NUDCD1: variants seen among roughly 807,000 people sequenced by gnomAD.
NUDCD1 encodes NudC domain containing 1, also known as nudC domain-containing protein 1.
NUDCD1 carries 60 observed loss-of-function variants against 67.8 expected under a neutral mutation model. That is an observed-to-expected ratio of 0.88 (90% confidence interval 0.72 to 1.10). The LOEUF (loss-of-function observed/expected upper bound fraction) is 1.10, where lower values mean the gene tolerates loss of function less well. NUDCD1 is among the 50% of genes least tolerant of loss of function. The pLI is 0.00. For synonymous variants in NUDCD1, 244 were observed against 230.8 expected, an observed-to-expected ratio of 1.06 and a Z score of -0.52; for missense variants, 643 against 695.0, an observed-to-expected ratio of 0.93 and a Z score of 0.84.
At chr8:109,317,196 G>A (rs1815421042) in intron 2 of NUDCD1, among the ~76,000 whole-genome samples, 1 of 152,142 alleles carries the variant, frequency 6.6e-6, no homozygotes, top group African/African-American at 2.4e-5. Flanking sequence ...AAACTGAACA[G>A]GTGATTAGAG....
Position 109,242,010 on chromosome 8 carries a change from T to C in NUDCD1, c.*999A>G, listed in dbSNP as rs1813377859. 5.0e-6 allele frequency: 2 copies of C among 397,678 alleles called. No individual in the cohort carries two copies. The highest frequency in any genetic ancestry group is 7.1e-5 in the East Asian group (2 of 28,064). The allele number at this position is 397,678 out of a possible 1,614,324, so 24.6% of individuals were successfully genotyped here. ...AACTATAACATATAAACAGGATTAT[T>C]TTGTTGAAGTTGTTAGAAAAATAAA... On this transcript the variant is annotated 3_prime_UTR_variant, in exon 10 of 10. Coordinates refer to ENST00000239690, the MANE Select transcript of NUDCD1 (RefSeq NM_032869.4).
At chr8:109,316,172 T>C (rs1340651662) in intron 2 of NUDCD1, 1 of 152,230 alleles carries the variant, frequency 6.6e-6, no homozygotes, top group Non-Finnish European at 1.5e-5. Context: ...TAAGGATGTA[T>C]TAAAAAACCA....
At chr8:109,255,201 A>G (rs1273439839) in intron 8 of NUDCD1, among the ~76,000 whole-genome samples, 3 of 152,210 alleles carry the variant, frequency 2.0e-5, no homozygotes, top group Non-Finnish European at 2.9e-5. Flanking sequence ...ACTAGTTCAG[A>G]TACAGTAATT....
intron 8 of NUDCD1, among the ~76,000 whole-genome samples, chr8:109,254,551 T>C (rs1029025974): frequency 6.6e-6 from 1 of 152,192 alleles, no homozygotes; most frequent in Admixed American, 6.5e-5. Context: ...AAAATATACT[T>C]CCACATTTCT....
intron 1 of NUDCD1, among the ~76,000 whole-genome samples, chr8:109,329,316 C>T (rs1815751897): frequency 6.6e-6 from 1 of 151,910 alleles, no homozygotes; most frequent in African/African-American, 2.4e-5. Flanking sequence ...AAATAATAGC[C>T]AAAATATTGC....
intron 2 of NUDCD1, among the ~76,000 whole-genome samples, chr8:109,310,832 T>TTTG (rs1815228496): frequency 6.7e-6 from 1 of 148,260 alleles, no homozygotes. Context: ...TTTTTTTTTT[T>TTTG]TTGAGAAGGA....
intron 7 of NUDCD1, among the ~76,000 whole-genome samples, chr8:109,274,000 G>A (rs532978756): frequency 6.6e-6 from 1 of 152,048 alleles, no homozygotes; most frequent in South Asian, 2.1e-4. Flanking sequence ...TCCCACCAAT[G>A]CAGAAAATTC....
chr8:109,305,884 G>A (rs564601518), intron 2 of NUDCD1, among the ~76,000 whole-genome samples: 1 of 152,170 alleles, frequency 6.6e-6, no homozygotes, highest in Non-Finnish European at 1.5e-5. Context: ...TCTTCCTCCT[G>A]GAAGTCGCAA....
At chr8:109,292,135 C>T (rs924618979) in intron 4 of NUDCD1, among the ~76,000 whole-genome samples, 2 of 151,802 alleles carry the variant, frequency 1.3e-5, no homozygotes, top group Non-Finnish European at 2.9e-5. Context: ...ATTCAAATTC[C>T]TATGTCCATA....
At chr8:109,288,435 A>G (rs1206442562) in intron 5 of NUDCD1, among the ~76,000 whole-genome samples, 1 of 152,224 alleles carries the variant, frequency 6.6e-6, no homozygotes, top group African/African-American at 2.4e-5. Flanking sequence ...GGTTAGCATT[A>G]TAATTAGACA....
chr8:109,323,928 C>T (rs1000517445), intron 1 of NUDCD1, among the ~76,000 whole-genome samples: 3 of 151,926 alleles, frequency 2.0e-5, no homozygotes, highest in African/African-American at 7.2e-5. Context: ...CAAAAATCAA[C>T]TCAAAAACTA....
At position 109,263,854 on chromosome 8, in the gene NUDCD1, A is replaced by T. The variant is rs545547770; in HGVS notation, c.1299+7151T>A. 5.9e-5 allele frequency among the ~76,000 whole-genome samples: 9 copies of T among 152,268 alleles called. No homozygotes were observed. In the East Asian group the frequency reaches 1.7e-3, roughly 29 times the overall value. ...TGGTACAAAAGGAAAAGTAGGTAAA[A>T]CTGGAGTGATAGCATAAATTACTGC... On this transcript the variant is annotated intron_variant, in intron 8 of 9. Coordinates refer to ENST00000239690, the MANE Select transcript of NUDCD1 (RefSeq NM_032869.4).
chr8:109,266,684 C>A (rs1214229096), intron 8 of NUDCD1, among the ~76,000 whole-genome samples: 2 of 152,156 alleles, frequency 1.3e-5, no homozygotes, highest in Non-Finnish European at 2.9e-5. Flanking sequence ...AACATTTTGA[C>A]AGCATAGCTC....
At chr8:109,330,635 C>T (rs1815784130) in intron 1 of NUDCD1, among the ~76,000 whole-genome samples, 1 of 152,176 alleles carries the variant, frequency 6.6e-6, no homozygotes, top group South Asian at 2.1e-4. Flanking sequence ...GTAAGCTTTT[C>T]AACTCCCGTA....
chr8:109,310,706 T>TTG (rs1176385013), intron 2 of NUDCD1, among the ~76,000 whole-genome samples: 1 of 151,762 alleles, frequency 6.6e-6, no homozygotes, highest in Admixed American at 6.6e-5. Flanking sequence ...GAGAAAATCT[T>TTG]CACAATCTAT....
intron 6 of NUDCD1, 74 bp downstream of exon 6, chr8:109,280,894 T>A (rs1448550257): frequency 1.5e-6 from 1 of 674,424 alleles, no homozygotes; most frequent in African/African-American, 1.8e-5. Flanking sequence ...ATCTCTGATG[T>A]AACCACTGTG....
At chr8:109,287,809 T>A (rs1814610839) in intron 5 of NUDCD1, among the ~76,000 whole-genome samples, 1 of 152,098 alleles carries the variant, frequency 6.6e-6, no homozygotes, top group African/African-American at 2.4e-5. Context: ...AATGTATTAA[T>A]TAATGAAAGG....
At chr8:109,267,517 G>A (rs2926195) in intron 8 of NUDCD1, among the ~76,000 whole-genome samples, 96,745 of 152,040 alleles carry the variant, frequency 0.64, 32,215 homozygotes, top group African/African-American at 0.84. Flanking sequence ...CAGAATTATC[G>A]TCTGACCCAG....
intron 7 of NUDCD1, among the ~76,000 whole-genome samples, chr8:109,273,182 G>C (rs1181969681): frequency 6.8e-6 from 1 of 146,678 alleles, no homozygotes; most frequent in Non-Finnish European, 1.5e-5. Flanking sequence ...CTAAAAAGCT[G>C]AGTTTGGGGT....
Sources: allele counts gnomAD v4.1 joint callset (sites outside exome capture counted in the v4.1 genomes callset), GRCh38; gene constraint gnomAD v4.1.1; transcripts MANE v1.5; gene names NCBI Gene and HGNC (gene_info 2026-07-23, HGNC 2026-07-21).